The following CALN1 variants were observed in gnomAD, a reference collection of about 807,000 sequenced individuals.
CALN1 encodes the protein calneuron 1.
In CALN1, 17 loss-of-function variants were observed where a neutral mutation model predicts 30.6. That is an observed-to-expected ratio of 0.56 (90% CI 0.38 to 0.83). The LOEUF (loss-of-function observed/expected upper bound fraction) is 0.83, where lower values mean the gene tolerates loss of function less well. CALN1 is among the 40% of genes least tolerant of loss of function. CALN1 has a pLI of 0.00. For synonymous variants in CALN1, 156 were observed against 131.4 expected, an observed-to-expected ratio of 1.19 and a Z score of -1.28; for missense variants, 291 against 354.9, an observed-to-expected ratio of 0.82 and a Z score of 1.45.
At chr7:71,922,121 G>A (rs1483823312) in intron 5 of CALN1, among the ~76,000 whole-genome samples, 2 of 152,178 alleles carry the variant, frequency 1.3e-5, no homozygotes, top group Non-Finnish European at 1.5e-5. Flanking sequence ...AAACAGGTGA[G>A]TCAGGTATGG....
At chr7:71,876,092 A>G (rs1295518708) in intron 5 of CALN1, among the ~76,000 whole-genome samples, 1 of 152,166 alleles carries the variant, frequency 6.6e-6, no homozygotes, top group East Asian at 1.9e-4. Flanking sequence ...TTAACAGGGA[A>G]AGAAAAAAAA....
At chr7:72,046,146 C>T (rs1372396330) in intron 4 of CALN1, among the ~76,000 whole-genome samples, 2 of 151,988 alleles carry the variant, frequency 1.3e-5, no homozygotes, top group African/African-American at 4.8e-5. Context: ...AACCCTGTCT[C>T]TATAAGAAAT....
chr7:72,107,514 C>T (rs888750111), intron 3 of CALN1, among the ~76,000 whole-genome samples: 1 of 152,228 alleles, frequency 6.6e-6, no homozygotes, highest in African/African-American at 2.4e-5. Context: ...TCCTCTTCCC[C>T]TAAACCAGAG....
intron 3 of CALN1, among the ~76,000 whole-genome samples, chr7:72,203,161 G>A (rs947411808): frequency 1.3e-5 from 2 of 152,026 alleles, no homozygotes; most frequent in African/African-American, 4.8e-5. Context: ...ACAGGGAGGG[G>A]AACACCACAC....
At chr7:72,292,047 A>G (rs1018490063) in intron 2 of CALN1, among the ~76,000 whole-genome samples, 1 of 151,144 alleles carries the variant, frequency 6.6e-6, no homozygotes, top group Non-Finnish European at 1.5e-5. Flanking sequence ...GGGGAAACAC[A>G]AACATTTAGT....
At chr7:72,474,890 A>G in the CALN1 span, among the ~76,000 whole-genome samples, 5 of 152,196 alleles carry the variant, frequency 3.3e-5, no homozygotes, top group East Asian at 1.9e-4. Flanking sequence ...CCCAGGCTTC[A>G]TTATCCCCCT....
At chr7:72,391,346 C>T (rs1805565803) in intron 2 of CALN1, among the ~76,000 whole-genome samples, 1 of 152,182 alleles carries the variant, frequency 6.6e-6, no homozygotes, top group South Asian at 2.1e-4. Context: ...TCCACAGGAT[C>T]CTCAGATTGC....
intron 3 of CALN1, among the ~76,000 whole-genome samples, chr7:72,215,168 A>G (rs1446007613): frequency 1.3e-5 from 2 of 152,198 alleles, no homozygotes; most frequent in Admixed American, 6.5e-5. Flanking sequence ...CCACTGGTCT[A>G]CATGCTAACA....
intron 1 of CALN1, among the ~76,000 whole-genome samples, chr7:72,436,354 C>T (rs186112695): frequency 6.6e-6 from 1 of 152,210 alleles, no homozygotes; most frequent in Non-Finnish European, 1.5e-5. Flanking sequence ...TGCACAAATT[C>T]TCTCTTGTCT....
chr7:72,295,059 G>T (rs889601544), intron 2 of CALN1, among the ~76,000 whole-genome samples: 1 of 152,074 alleles, frequency 6.6e-6, no homozygotes, highest in Non-Finnish European at 1.5e-5. Context: ...AATACTTTCA[G>T]TGTATACTGG....
chr7:71,791,041 A>G (rs1184893378), intron 6 of CALN1, among the ~76,000 whole-genome samples: 1 of 152,236 alleles, frequency 6.6e-6, no homozygotes, highest in Non-Finnish European at 1.5e-5. Flanking sequence ...CTTGATGTGA[A>G]GTGGCTCATC....
the CALN1 span, among the ~76,000 whole-genome samples, chr7:72,477,197 C>A: frequency 6.8e-6 from 1 of 147,916 alleles, no homozygotes; most frequent in Admixed American, 6.7e-5. Flanking sequence ...GATGACAGAG[C>A]AAGACTGTCT....
chr7:72,314,364 T>TACATATAC (rs1800273917), intron 2 of CALN1, among the ~76,000 whole-genome samples: 1 of 116,880 alleles, frequency 8.6e-6, no homozygotes, highest in African/African-American at 5.0e-5. Flanking sequence ...TATATACATA[T>TACATATAC]ACATATATAC....
intron 3 of CALN1, among the ~76,000 whole-genome samples, chr7:72,182,606 G>A (rs1038922580): frequency 6.6e-6 from 1 of 152,078 alleles, no homozygotes; most frequent in African/African-American, 2.4e-5. Flanking sequence ...TGTAGTCCCA[G>A]CTACTTGGGA....
At chr7:72,024,137 C>A (rs1800896059) in intron 4 of CALN1, among the ~76,000 whole-genome samples, 1 of 152,300 alleles carries the variant, frequency 6.6e-6, no homozygotes, top group South Asian at 2.1e-4. Flanking sequence ...ATCCTTGTCA[C>A]CCACATATAC....
At chr7:72,003,404 C>T (rs1000655219) in intron 5 of CALN1, among the ~76,000 whole-genome samples, 2 of 152,102 alleles carry the variant, frequency 1.3e-5, no homozygotes, top group African/African-American at 2.4e-5. Context: ...GGCCATGGAC[C>T]GGTACCAGAT....
chr7:72,340,762 C>A (rs1296142718), intron 2 of CALN1, among the ~76,000 whole-genome samples: 1 of 152,156 alleles, frequency 6.6e-6, no homozygotes, highest in Non-Finnish European at 1.5e-5. Flanking sequence ...GTGGGAGGGA[C>A]CTGGTGGGAG....
At chr7:72,178,942 C>T (rs1306889074) in intron 3 of CALN1, among the ~76,000 whole-genome samples, 1 of 152,162 alleles carries the variant, frequency 6.6e-6, no homozygotes, top group Non-Finnish European at 1.5e-5. Context: ...GGTCTTTAGG[C>T]ATCATGGCTT....
intron 3 of CALN1, among the ~76,000 whole-genome samples, chr7:72,247,080 A>G (rs1000284706): frequency 6.6e-6 from 1 of 150,852 alleles, no homozygotes; most frequent in Non-Finnish European, 1.5e-5. Flanking sequence ...TTTTTATATA[A>G]TCACAGACAG....
Sources: gnomAD v4.1 joint callset for allele counts (sites outside exome capture counted in the v4.1 genomes callset) on GRCh38, gnomAD v4.1.1 for gene constraint, MANE v1.5 for transcripts, NCBI Gene and HGNC (gene_info 2026-07-23, HGNC 2026-07-21) for gene names.